SESTD1: variants seen among roughly 807,000 people sequenced by gnomAD.
SESTD1 encodes SEC14 domain and spectrin repeat-containing protein 1.
In SESTD1, 43 loss-of-function variants were observed where a neutral mutation model predicts 101.7. That is an observed-to-expected ratio of 0.42 (90% CI 0.33 to 0.55). SESTD1 has a LOEUF of 0.55. SESTD1 is among the 20% of genes least tolerant of loss of function. The probability of loss-of-function intolerance (pLI) is 0.07; values close to 1 mark genes in which losing one functional copy is unlikely to be tolerated. For missense variants in SESTD1, 647 were observed against 815.1 expected (o/e 0.79, Z 2.51); for synonymous variants, 283 against 286.8 (o/e 0.99, Z 0.13).
At chr2:179,149,172 C>A (rs1366971446) in intron 7 of SESTD1, 125 bp downstream of exon 7, 3 of 537,164 alleles carry the variant, frequency 5.6e-6, no homozygotes, top group Non-Finnish European at 6.3e-6. Flanking sequence ...TATTGTACGT[C>A]AATTTTGATT....
intron 7 of SESTD1, 88 bp from the exon 8 acceptor site, chr2:179,146,545 A>C: frequency 9.2e-7 from 1 of 1,081,944 alleles, no homozygotes; most frequent in South Asian, 1.5e-5. Flanking sequence ...AAAACAGAAC[A>C]GGGGCACAAA....
At chr2:179,229,011 G>T (rs1278270783) in intron 1 of SESTD1, among the ~76,000 whole-genome samples, 49 of 152,220 alleles carry the variant, frequency 3.2e-4, no homozygotes, top group Middle Eastern at 3.4e-3. Flanking sequence ...TCCTCAAGAA[G>T]ACCACTCATA....
intron 1 of SESTD1, among the ~76,000 whole-genome samples, chr2:179,248,727 T>A (rs967770562): frequency 6.6e-6 from 1 of 151,892 alleles, no homozygotes; most frequent in Non-Finnish European, 1.5e-5. Flanking sequence ...GAGTTTGCAT[T>A]AAAAACTTAA....
chr2:179,180,854 C>T (rs575014102), intron 3 of SESTD1, among the ~76,000 whole-genome samples: 1 of 152,128 alleles, frequency 6.6e-6, no homozygotes, highest in South Asian at 2.1e-4. Flanking sequence ...ATGGCAAGTA[C>T]GGATAAAAAG....
intron 5 of SESTD1, 53 bp downstream of exon 5, chr2:179,172,067 A>C: frequency 8.3e-7 from 1 of 1,203,748 alleles, no homozygotes; most frequent in Non-Finnish European, 1.2e-6. Flanking sequence ...TAATTTCAGT[A>C]AAATACTATT....
At chr2:179,192,686 C>T (rs1305676755) in intron 1 of SESTD1, among the ~76,000 whole-genome samples, 1 of 152,156 alleles carries the variant, frequency 6.6e-6, no homozygotes, top group Admixed American at 6.5e-5. Context: ...GGAGGTTTTG[C>T]CATGGCAGGC....
chr2:179,248,409 CATTTT>C lies in SESTD1; in HGVS notation c.-26+16085_-26+16089del, dbSNP rs1161367370. The stretch of plus-strand genomic sequence containing the variant: ...GAAGAGGAGGAAACACTTTCCATTT[CATTTT>C]AAGTTAGTATTACCCTGATGCCAAA... On this transcript the variant is annotated intron_variant, in intron 1 of 17. Transcript: ENST00000428443. Among the ~76,000 whole-genome samples the C allele has an allele frequency of 2.6e-5, 4 of 152,102 alleles. No homozygotes were observed. The East Asian group carries it at 7.7e-4, about 29-fold the overall frequency.
chr2:179,213,212 G>A (rs1007345356), intron 1 of SESTD1, among the ~76,000 whole-genome samples: 1 of 134,628 alleles, frequency 7.4e-6, no homozygotes, highest in Non-Finnish European at 1.6e-5. Flanking sequence ...AGCTAAAGGG[G>A]CATGTTCTAA....
At chr2:179,170,445 T>G (rs959730717) in intron 5 of SESTD1, among the ~76,000 whole-genome samples, 1 of 152,166 alleles carries the variant, frequency 6.6e-6, no homozygotes, top group Non-Finnish European at 1.5e-5. Flanking sequence ...TCTGTGATAC[T>G]GTGATATAAG....
At position 179,160,981 on chromosome 2, in the gene SESTD1, A is replaced by T. The variant is rs1050871520; in HGVS notation, c.370-9590T>A. Among the ~76,000 whole-genome samples, 15 of 152,000 alleles carry T rather than the reference A, an allele frequency of 9.9e-5. 1 individual carries two copies. Among genetic ancestry groups the T allele is most frequent in the South Asian group, 6.3e-4 (3 of 4,798 alleles). ...GGGTCTCTCTCTGGCACCCAGGCTG[A>T]AGGGCCACTGCACCTTGACTCTTCA... On this transcript the variant is annotated intron_variant, in intron 5 of 17. Coordinates refer to ENST00000428443, the MANE Select transcript of SESTD1 (RefSeq NM_178123.5).
chr2:179,161,524 G>A (rs922464588), intron 5 of SESTD1, among the ~76,000 whole-genome samples: 34 of 152,054 alleles, frequency 2.2e-4, no homozygotes, highest in African/African-American at 7.7e-4. Context: ...TGCTGGGCGT[G>A]GTGGCACATG....
intron 7 of SESTD1, among the ~76,000 whole-genome samples, chr2:179,146,811 C>T (rs2045405494): frequency 2.6e-5 from 4 of 151,952 alleles, no homozygotes; most frequent in Admixed American, 2.6e-4. Context: ...AGAAATGTAA[C>T]ATTAAAAAAT....
chr2:179,193,148 GTT>G (rs1303869943), intron 1 of SESTD1, among the ~76,000 whole-genome samples: 2 of 151,972 alleles, frequency 1.3e-5, no homozygotes, highest in Non-Finnish European at 2.9e-5. Flanking sequence ...AAAAATAGAT[GTT>G]GAGGAAAAAA....
At chr2:179,149,148 C>A in intron 7 of SESTD1, 149 bp downstream of exon 7, 3 of 337,706 alleles carry the variant, frequency 8.9e-6, no homozygotes, top group East Asian at 1.3e-4. Flanking sequence ...AAAGCAAATT[C>A]AAATTCTCAC....
rs936230138 is a variant in SESTD1, at chr2:179,137,033, A to G, written c.850-4607T>C. Among the ~76,000 whole-genome samples, 11 of 152,292 alleles carry G rather than the reference A, an allele frequency of 7.2e-5. 1 individual carries two copies. The highest frequency in any genetic ancestry group is 5.9e-4 in the Admixed American group (9 of 15,294). On this transcript the variant is annotated intron_variant, in intron 9 of 17. Transcript: ENST00000428443. ...GGTTGATGCCCCAGTAAACAAGTCT[A>G]TTTAAATGCATTAATAATGGCAGTT...
intron 1 of SESTD1, among the ~76,000 whole-genome samples, chr2:179,198,124 G>A (rs1316329931): frequency 6.6e-6 from 1 of 152,114 alleles, no homozygotes. Context: ...GATCTACCAA[G>A]CAAATGGAAA....
chr2:179,184,619 T>C (rs1434557893), intron 2 of SESTD1, among the ~76,000 whole-genome samples: 1 of 152,118 alleles, frequency 6.6e-6, no homozygotes, highest in Non-Finnish European at 1.5e-5. Flanking sequence ...AATGACTCTG[T>C]TGGTTTGAAA....
At chr2:179,171,229 T>C (rs979235153) in intron 5 of SESTD1, among the ~76,000 whole-genome samples, 1 of 152,170 alleles carries the variant, frequency 6.6e-6, no homozygotes, top group African/African-American at 2.4e-5. Context: ...TATAGCTTAA[T>C]TTTTTTAAGT....
At chr2:179,130,758 T>C (rs1227613239) in intron 10 of SESTD1, among the ~76,000 whole-genome samples, 3 of 152,030 alleles carry the variant, frequency 2.0e-5, no homozygotes, top group Non-Finnish European at 2.9e-5. Context: ...CTAGAGTAAA[T>C]ACAGTTTTTT....
Sources: allele counts gnomAD v4.1 joint callset (sites outside exome capture counted in the v4.1 genomes callset), GRCh38; gene constraint gnomAD v4.1.1; transcripts MANE v1.5; gene names NCBI Gene and HGNC (gene_info 2026-07-23, HGNC 2026-07-21).